SYNE1: variants seen among roughly 807,000 people sequenced by gnomAD.
SYNE1 encodes nesprin-1.
A neutral mutation model predicts 1,111.0 loss-of-function variants in SYNE1; 616 were observed. The observed-to-expected ratio is 0.55, with a 90% CI of 0.52 to 0.59. The LOEUF (loss-of-function observed/expected upper bound fraction) is 0.59. Ranked by LOEUF, SYNE1 falls within the 20% of genes least tolerant of loss-of-function variation. The pLI is 0.00. For missense variants in SYNE1, 10,006 were observed against 10,417.0 expected, an observed-to-expected ratio of 0.96 and a Z score of 1.72; for synonymous variants, 3,855 against 3,825.8, an observed-to-expected ratio of 1.01 and a Z score of -0.28.
chr6:152,442,252 G>T lies in SYNE1; in HGVS notation c.3838-7C>A. The T allele has an allele frequency of 6.2e-7, 1 of 1,612,224 alleles. No individual in the cohort carries two copies. ...AGATCCGCTTTGTCTTTTGCTAGAA[G>T]CATTTATTCAACAGATGGATATAAA... On this transcript the variant is annotated splice_polypyrimidine_tract_variant and splice_region_variant and intron_variant, in intron 30 of 145. Coordinates refer to ENST00000367255, the MANE Select transcript of SYNE1 (RefSeq NM_182961.4).
At chr6:152,149,712 T>C (rs1259211159) in intron 135 of SYNE1, 44 bp from the exon 136 acceptor site, 1 of 1,517,194 alleles carries the variant, frequency 6.6e-7, no homozygotes, top group Non-Finnish European at 9.1e-7. Flanking sequence ...TGTTGTTGCT[T>C]ACATTGATAT....
In SYNE1 at chr6:152,133,254, A is replaced by G. The variant is rs77839944; in HGVS notation, c.26001+22T>C. ...GGTCTCCAGTAAGAAATGCTACACGATGATGTCTGTTTATTGCTTACCTGC... is the reference window on the plus strand; with the variant it reads ...GGTCTCCAGTAAGAAATGCTACACGGTGATGTCTGTTTATTGCTTACCTGC... On this transcript the variant is annotated intron_variant, in intron 143 of 145. Coordinates refer to ENST00000367255, the MANE Select transcript of SYNE1 (RefSeq NM_182961.4). 5 of 1,608,020 alleles carry G rather than the reference A, an allele frequency of 3.1e-6. No individual in the cohort carries two copies. In the Admixed American group the frequency reaches 8.3e-5, roughly 27 times the overall value.
At chr6:152,145,638 G>A in intron 137 of SYNE1, 1 of 1,262,736 alleles carries the variant, frequency 7.9e-7, no homozygotes, top group Non-Finnish European at 1.2e-6. Context: ...TTTCCTAGGG[G>A]AAAAAAAGGA....
chr6:152,312,952 A>G (rs1447858687), intron 87 of SYNE1, among the ~76,000 whole-genome samples: 1 of 152,180 alleles, frequency 6.6e-6, no homozygotes, highest in Non-Finnish European at 1.5e-5. Flanking sequence ...AGTAAAATGA[A>G]AGCAAGTTTA....
intron 3 of SYNE1, among the ~76,000 whole-genome samples, chr6:152,577,811 T>C (rs1404944437): frequency 6.6e-6 from 1 of 152,016 alleles, no homozygotes; most frequent in African/African-American, 2.4e-5. Flanking sequence ...TTGTAAGCAA[T>C]ATGCCAATAA....
intron 140 of SYNE1, among the ~76,000 whole-genome samples, chr6:152,139,568 CAAAAAAAAAA>C (rs774081107): frequency 2.3e-5 from 1 of 44,014 alleles, no homozygotes; most frequent in Non-Finnish European, 4.1e-5. Context: ...GAGACTCCAT[CAAAAAAAAAA>C]AAAAGAAAGG....
intron 101 of SYNE1, among the ~76,000 whole-genome samples, chr6:152,260,754 A>G (rs1004861921): frequency 6.6e-6 from 1 of 151,890 alleles, no homozygotes; most frequent in Non-Finnish European, 1.5e-5. Flanking sequence ...TCAGATCATC[A>G]GGCATTAAAT....
intron 135 of SYNE1, among the ~76,000 whole-genome samples, chr6:152,151,048 C>A (rs553149090): frequency 1.3e-5 from 2 of 152,008 alleles, no homozygotes; most frequent in African/African-American, 4.8e-5. Context: ...CCCATCTTTA[C>A]TAAAAAAATA....
chr6:152,351,869 A>G (rs2154037804), intron 70 of SYNE1, among the ~76,000 whole-genome samples, 158 bp downstream of exon 70: 1 of 152,304 alleles, frequency 6.6e-6, no homozygotes, highest in Non-Finnish European at 1.5e-5. Flanking sequence ...AACCCAATAA[A>G]TCTCCATAGG....
rs150737460 is a variant in SYNE1 at position 152,133,848 on chromosome 6, C to T, written c.25789-360G>A. On this transcript the variant is annotated intron_variant, in intron 142 of 145. Transcript: ENST00000367255. ...CAGAAAAGCACAACATTAAATATAG[C>T]GAAGCAGAAGTATGTCTAGGTATCC... 1,066 of 230,198 alleles carry T rather than the reference C, an allele frequency of 4.6e-3. 11 individuals are homozygous for T. The highest frequency in any genetic ancestry group is 0.023 in the African/African-American group (1,015 of 43,594). 14.3% of individuals were successfully genotyped at this position (230,198 alleles called of 1,614,324 possible).
rs2096944092 is a variant in SYNE1 at position 152,362,217 on chromosome 6, G to A, written c.10252C>T (p.Gln3418Ter). 6.2e-7 allele frequency: 1 copy of A among 1,614,196 alleles called. No individual in the cohort carries two copies. Among genetic ancestry groups the A allele is most frequent in the African/African-American group, 1.3e-5 (1 of 75,036 alleles). Residue 3418 changes from glutamine (Q) to a stop codon, truncating the protein, a stop_gained, in exon 64 of 146, where the codon CAG becomes TAG. Coordinates refer to ENST00000367255, the MANE Select transcript of SYNE1 (RefSeq NM_182961.4). LOFTEE classifies it high-confidence loss of function. The stretch of plus-strand genomic sequence containing the variant: ...GTTTTATCCCGCAGCTCCGCATGCT[G>A]CCTTTCTGATTCATTCAGGTTGGCT... The part of the protein sequence containing the change: ...MEANLNESER[Q>*]HAELRDKTTM...
At position 152,318,103 on chromosome 6, in the gene SYNE1, T is replaced by C; in HGVS notation, c.16550A>G (p.Asn5517Ser). 3 of 1,614,226 alleles carry C rather than the reference T, an allele frequency of 1.9e-6. No homozygotes were observed. The highest frequency in any genetic ancestry group is 2.5e-6 in the Non-Finnish European group (3 of 1,180,036). Reference sequence around the variant, plus strand: ...TACCTGATTGAGCTTGGAGAGCCGATTCTCAGCTTGTCTAATGGTCTGCTG... The same window carrying C: ...TACCTGATTGAGCTTGGAGAGCCGACTCTCAGCTTGTCTAATGGTCTGCTG... ...LHQQTIRQAE[N>S]RLSKLNQAAS... The change falls in exon 86 of 146, where the codon AAT becomes AGT. Residue 5517 changes from asparagine (N) to serine (S), a missense_variant. This residue lies in a region of SYNE1 where 4,955 missense variants were observed against 5,017.2 expected (regional missense o/e 0.99). Transcript: ENST00000367255.
In SYNE1 at chr6:152,321,778, C is replaced by T. The variant is rs776275832; in HGVS notation, c.16026G>A (p.Thr5342=). The T allele has an allele frequency of 1.2e-5, 19 of 1,613,850 alleles. No homozygotes were observed. Among genetic ancestry groups the T allele is most frequent in the East Asian group, 4.5e-5 (2 of 44,850 alleles). Reference sequence around the variant, plus strand: ...TTGTTGGATTCCCTAAATATTCTTTCGTTTCCTGAACCCAACATTTCACAG... The same window carrying T: ...TTGTTGGATTCCCTAAATATTCTTTTGTTTCCTGAACCCAACATTTCACAG... ...INSVKCWVQE[T]KEYLGNPTIE... is the part of the protein sequence containing the mutation. Residue 5342 remains threonine, a synonymous_variant, in exon 83 of 146, where the codon ACG becomes ACA. Coordinates refer to ENST00000367255, the MANE Select transcript of SYNE1 (RefSeq NM_182961.4).
chr6:152,398,963 A>G (rs1338619543), intron 48 of SYNE1, among the ~76,000 whole-genome samples: 1 of 152,262 alleles, frequency 6.6e-6, no homozygotes, highest in African/African-American at 2.4e-5. Context: ...AAGACTAAAA[A>G]GAAATGTATG....
chr6:152,262,880 C>T (rs769711188), intron 100 of SYNE1, among the ~76,000 whole-genome samples: 18 of 136,314 alleles, frequency 1.3e-4, no homozygotes, highest in East Asian at 2.2e-4. Flanking sequence ...GACCTGGGAA[C>T]GTAGTACAGG....
Position 152,455,838 on chromosome 6 carries a change from T to A in SYNE1, c.2727+48A>T. On this transcript the variant is annotated intron_variant, in intron 23 of 145. Coordinates refer to ENST00000367255, the MANE Select transcript of SYNE1 (RefSeq NM_182961.4). ...ACGAGTGATGGTTTCTTGTCCTCAC[T>A]CTGCATTTTCCCTGGCTCACAGCTC... The A allele has an allele frequency of 5.6e-6, 9 of 1,613,084 alleles. No homozygotes were observed. The South Asian group carries it at 9.9e-5, about 18-fold the overall frequency.
At chr6:152,504,246 G>A (rs1256689649) in intron 9 of SYNE1, among the ~76,000 whole-genome samples, 1 of 152,120 alleles carries the variant, frequency 6.6e-6, no homozygotes, top group Admixed American at 6.6e-5. Context: ...TGAAAGTGGG[G>A]TGGGGGCAGA....
chr6:152,517,185 G>T (rs574217119), intron 6 of SYNE1, among the ~76,000 whole-genome samples: 1 of 152,154 alleles, frequency 6.6e-6, no homozygotes, highest in East Asian at 1.9e-4. Flanking sequence ...CTGTAAATTT[G>T]TATTTTCTAG....
chr6:152,396,736 T>C (rs1436399412), intron 50 of SYNE1, 39 bp downstream of exon 50: 4 of 1,568,304 alleles, frequency 2.6e-6, no homozygotes, highest in East Asian at 2.2e-5. Context: ...AAAACACACT[T>C]GGTGTATGAT....
Sources: allele counts gnomAD v4.1 joint callset (sites outside exome capture counted in the v4.1 genomes callset), GRCh38; gene constraint gnomAD v4.1.1; regional missense constraint gnomAD v4.1.1; transcripts MANE v1.5; gene names NCBI Gene and HGNC (gene_info 2026-07-23, HGNC 2026-07-21).